The following SLC12A3 variants were observed in gnomAD, a reference collection of about 807,000 sequenced individuals.
The protein encoded by SLC12A3 is solute carrier family 12 member 3.
In SLC12A3, 104 loss-of-function variants were observed where a neutral mutation model predicts 121.0. The ratio of observed to expected loss-of-function variants is 0.86; its 90% CI spans 0.73 to 1.01. SLC12A3 has a LOEUF of 1.01. Among genes scored for constraint, SLC12A3 ranks in the 50% least tolerant of loss-of-function variants. The pLI, the probability that SLC12A3 is intolerant of heterozygous loss-of-function variation, is 0.00. For synonymous variants in SLC12A3, 536 were observed against 533.4 expected, an observed-to-expected ratio of 1.00 and a Z score of -0.07; for missense variants, 1,328 against 1,356.3, an observed-to-expected ratio of 0.98 and a Z score of 0.33.
intron 8 of SLC12A3, among the ~76,000 whole-genome samples, chr16:56,877,351 A>G (rs186503509): frequency 0.051 from 7,740 of 152,072 alleles, 240 homozygotes; most frequent in African/African-American, 0.061. Context: ...AGCCGAGATC[A>G]TGCCACTGCA....
chr16:56,898,475 G>A (rs1284863823), intron 22 of SLC12A3, among the ~76,000 whole-genome samples: 4 of 152,134 alleles, frequency 2.6e-5, no homozygotes, highest in Admixed American at 6.5e-5. Context: ...AATCAGGATG[G>A]TCTTGATCTC....
chr16:56,886,313 C>G, intron 15 of SLC12A3, 51 bp from the exon 16 acceptor site: 2 of 1,382,900 alleles, frequency 1.4e-6, no homozygotes, highest in Non-Finnish European at 2.1e-6. Context: ...GCACCCAGAC[C>G]CCCGTGGGCT....
rs1290328311 is a variant in SLC12A3 at position 56,877,118 on chromosome 16, G to A, written c.1096-959G>A. Among the ~76,000 whole-genome samples, 15 of 152,344 alleles carry A rather than the reference G, an allele frequency of 9.8e-5. No homozygotes were observed. The East Asian group carries it at 2.9e-3, about 29-fold the overall frequency. The stretch of plus-strand genomic sequence containing the variant: ...GTTAAGAAAATACGAGCGGCCGGGC[G>A]CGGGGGCTCACGCCTGTAATCCCAG... On this transcript the variant is annotated intron_variant, in intron 8 of 25. Coordinates refer to ENST00000563236, the MANE Select transcript of SLC12A3 (RefSeq NM_001126108.2).
At position 56,899,553 on chromosome 16, in the gene SLC12A3, T is replaced by A; in HGVS notation, c.2657T>A (p.Phe886Tyr). Residue 886 changes from phenylalanine to tyrosine, a missense_variant, in exon 23 of 26, where the codon TTC becomes TAC. By Grantham distance (22) the Phe-to-Tyr change is conservative (BLOSUM62 3). Coordinates refer to ENST00000563236, the MANE Select transcript of SLC12A3 (RefSeq NM_001126108.2). The stretch of plus-strand genomic sequence containing the variant: ...AGGATCATTTCTCTGCTGAGCAAGT[T>A]CCGACTGGGATTCCATGAAGTCCAC... The part of the protein sequence containing the change: ...RKAIISLLSK[F>Y]RLGFHEVHIL... 6.2e-7 allele frequency: 1 copy of A among 1,614,042 alleles called. No homozygotes were observed. Among genetic ancestry groups the A allele is most frequent in the Non-Finnish European group, 8.5e-7 (1 of 1,179,876 alleles).
At position 56,865,498 on chromosome 16, in the gene SLC12A3, A is replaced by G. The variant is rs1193650775; in HGVS notation, c.263A>G (p.Asp88Gly). The change falls in exon 1 of 26, where the codon GAC (aspartate) becomes GGC (glycine). Residue 88 changes from aspartate (D) to glycine (G), a missense_variant. Coordinates refer to ENST00000563236, the MANE Select transcript of SLC12A3 (RefSeq NM_001126108.2). Reference protein sequence around the residue: ...EPRKVRPTLADLHSFLKQEGR... With the variant: ...EPRKVRPTLAGLHSFLKQEGR... Reference sequence around the variant, plus strand: ...CGGAAGGTCCGGCCCACACTGGCTGACCTGCACTCCTTCCTCAAGGTAAGT... The same window carrying G: ...CGGAAGGTCCGGCCCACACTGGCTGGCCTGCACTCCTTCCTCAAGGTAAGT... 6.2e-7 allele frequency: 1 copy of G among 1,613,028 alleles called. No individual in the cohort carries two copies. The highest frequency in any genetic ancestry group is 8.5e-7 in the Non-Finnish European group (1 of 1,180,048).
intron 22 of SLC12A3, among the ~76,000 whole-genome samples, chr16:56,896,093 G>A (rs796829363): frequency 2.6e-5 from 4 of 152,348 alleles, no homozygotes; most frequent in African/African-American, 9.6e-5. Context: ...CAGCCCCGGG[G>A]GTCAGGGGCC....
chr16:56,866,999 C>T, intron 1 of SLC12A3, 71 bp from the exon 2 acceptor site: 1 of 1,589,260 alleles, frequency 6.3e-7, no homozygotes, highest in Non-Finnish European at 8.5e-7. Flanking sequence ...TGGTGCAGGT[C>T]AGTGGGCTGG....
At chr16:56,888,269 AC>A (rs1202871537) in intron 18 of SLC12A3, among the ~76,000 whole-genome samples, 4 of 152,164 alleles carry the variant, frequency 2.6e-5, no homozygotes, top group Non-Finnish European at 5.9e-5. Flanking sequence ...AAAGAGCAAG[AC>A]CCCATCTTTG....
chr16:56,869,688 C>T, intron 3 of SLC12A3, 41 bp from the exon 4 acceptor site: 1 of 1,564,992 alleles, frequency 6.4e-7, no homozygotes, highest in Non-Finnish European at 8.8e-7. Flanking sequence ...GGGCTCCTCC[C>T]TTGGGAAATG....
At chr16:56,868,061 G>A (rs1052520535) in intron 2 of SLC12A3, among the ~76,000 whole-genome samples, 3 of 152,318 alleles carry the variant, frequency 2.0e-5, no homozygotes, top group Non-Finnish European at 2.9e-5. Context: ...GTAGCCTAGC[G>A]TCAGGACTCA....
chr16:56,872,903 C>T, intron 8 of SLC12A3, 117 bp downstream of exon 8: 1 of 1,331,032 alleles, frequency 7.5e-7, no homozygotes. Context: ...CTTCTAAAAT[C>T]CAGTCCAGTC....
chr16:56,872,661 ATTTTTGTCCAGAAC>A lies in SLC12A3; in HGVS notation c.973_986del (p.Phe325GlyfsTer3). The A allele has an allele frequency of 1.2e-6, 2 of 1,614,252 alleles. No individual in the cohort carries two copies. Among genetic ancestry groups the A allele is most frequent in the Non-Finnish European group, 1.7e-6 (2 of 1,180,040 alleles). ...ATCAGGCCTTGCTTTTCCAGCGGAC[ATTTTTGTCCAGAAC>A]TTGGTGCCTGACTGGCGGGGTCCAG... On this transcript the variant is annotated frameshift_variant, in exon 8 of 26. Transcript: ENST00000563236. LOFTEE classifies it high-confidence loss of function.
At chr16:56,885,512 C>T (rs2055298944) in intron 15 of SLC12A3, 148 bp downstream of exon 15, 6 of 688,472 alleles carry the variant, frequency 8.7e-6, no homozygotes, top group South Asian at 7.6e-5. Flanking sequence ...CATGGAGGAG[C>T]CACCCAGCCA....
Position 56,899,544 on chromosome 16 carries a change from T to C in SLC12A3, c.2648T>C (p.Leu883Pro). The change falls in exon 23 of 26, where the codon CTG (leucine) becomes CCG (proline). Residue 883 changes from leucine (L) to proline (P), a missense_variant. Transcript: ENST00000563236. ...DQERKAIISLLSKFRLGFHEV... is the reference protein window; with the variant it reads ...DQERKAIISLPSKFRLGFHEV... ...GTGTCCTCCAGGATCATTTCTCTGC[T>C]GAGCAAGTTCCGACTGGGATTCCAT... 1.2e-6 allele frequency: 2 copies of C among 1,613,854 alleles called. No homozygotes were observed. The highest frequency in any genetic ancestry group is 1.7e-6 in the Non-Finnish European group (2 of 1,179,700).
chr16:56,880,447 C>T (rs2055225911), intron 12 of SLC12A3, among the ~76,000 whole-genome samples, 194 bp downstream of exon 12: 1 of 152,140 alleles, frequency 6.6e-6, no homozygotes, highest in Non-Finnish European at 1.5e-5. Context: ...GTGATCCTTC[C>T]CCTTCCCACC....
intron 6 of SLC12A3, 134 bp downstream of exon 6, chr16:56,870,870 C>T (rs553433393): frequency 1.0e-4 from 62 of 611,546 alleles, no homozygotes; most frequent in Middle Eastern, 4.4e-4. Flanking sequence ...GAATCTCGCT[C>T]GATGTCCATG....
intron 8 of SLC12A3, among the ~76,000 whole-genome samples, chr16:56,875,189 G>A (rs1308988489): frequency 2.6e-5 from 4 of 152,170 alleles, no homozygotes; most frequent in Non-Finnish European, 5.9e-5. Flanking sequence ...GCTCTTGGAT[G>A]GCCTCCACCC....
intron 12 of SLC12A3, 22 bp from the exon 13 acceptor site, chr16:56,882,374 C>G: frequency 6.2e-7 from 1 of 1,603,796 alleles, no homozygotes. Context: ...AGGCTGTCCT[C>G]TCTCTCCCTG....
chr16:56,880,213 C>T lies in SLC12A3; in HGVS notation c.1527C>T (p.Tyr509=), dbSNP rs774750275. Residue 509 remains tyrosine (Y), a synonymous_variant, in exon 12 of 26, where the codon TAC becomes TAT. Coordinates refer to ENST00000563236, the MANE Select transcript of SLC12A3 (RefSeq NM_001126108.2). ...AGAACAAGGAGCCCGTGCGTGGCTA[C>T]CTGCTGGCCTACGCCATCGCTGTGG... is the stretch of plus-strand genomic sequence containing the variant. ...YGKNKEPVRG[Y]LLAYAIAVAF... The T allele has an allele frequency of 2.5e-6, 4 of 1,591,438 alleles. No individual in the cohort carries two copies. The African/African-American group carries it at 4.0e-5, about 16-fold the overall frequency.
Sources: gnomAD v4.1 joint callset for allele counts (sites outside exome capture counted in the v4.1 genomes callset) on GRCh38, gnomAD v4.1.1 for gene constraint, MANE v1.5 for transcripts, NCBI Gene and HGNC (gene_info 2026-07-23, HGNC 2026-07-21) for gene names.